Variants in TMPRSS15 observed in about 807,000 individuals in gnomAD.
TMPRSS15 encodes enteropeptidase.
In TMPRSS15, 128 loss-of-function variants were observed where a neutral mutation model predicts 125.3. That is an observed-to-expected ratio of 1.02 (90% CI 0.89 to 1.18). TMPRSS15 has a LOEUF of 1.18. TMPRSS15 is among the 50% of genes most tolerant of loss of function. The pLI is 0.00. For missense variants in TMPRSS15, 1,283 were observed against 1,212.7 expected (o/e 1.06, Z -0.86); for synonymous variants, 446 against 423.2 (o/e 1.05, Z -0.66).
chr21:18,357,343 C>G (rs1165740033), intron 8 of TMPRSS15, among the ~76,000 whole-genome samples: 1 of 151,732 alleles, frequency 6.6e-6, no homozygotes, highest in Non-Finnish European at 1.5e-5. Context: ...CTGTATTTCT[C>G]TGATGCTTTT....
intron 21 of TMPRSS15, among the ~76,000 whole-genome samples, chr21:18,286,150 G>A (rs1439426224): frequency 3.3e-5 from 5 of 152,064 alleles, no homozygotes; most frequent in Non-Finnish European, 7.4e-5. Context: ...ATGCACTTGT[G>A]ATTTTCCTTT....
At position 18,272,935 on chromosome 21, in the gene TMPRSS15, A is replaced by G. The variant is rs144495356; in HGVS notation, c.2904+2262T>C. ...TTTTGTTGAGAACATTACTTCTCATACTTTAGTGTGCATCAGAATCTCCTG... is the reference window on the plus strand; with the variant it reads ...TTTTGTTGAGAACATTACTTCTCATGCTTTAGTGTGCATCAGAATCTCCTG... On this transcript the variant is annotated intron_variant, in intron 24 of 24. Transcript: ENST00000284885. 4.6e-3 allele frequency among the ~76,000 whole-genome samples: 700 copies of G among 152,246 alleles called. 3 individuals carry two copies. Among genetic ancestry groups the G allele is most frequent in the Non-Finnish European group, 6.2e-3 (420 of 68,026 alleles).
chr21:18,454,873 T>C (rs1452484310), intron 1 of TMPRSS15, among the ~76,000 whole-genome samples: 1 of 152,198 alleles, frequency 6.6e-6, no homozygotes, highest in Admixed American at 6.5e-5. Context: ...ATTAGCTATC[T>C]GGTGTTCCTT....
intron 24 of TMPRSS15, among the ~76,000 whole-genome samples, chr21:18,271,409 T>TAA (rs763187712): frequency 1.3e-5 from 2 of 152,176 alleles, no homozygotes; most frequent in African/African-American, 2.4e-5. Flanking sequence ...CCAGACAGAA[T>TAA]AAGGATTTTA....
At chr21:18,415,039 C>T (rs2076176505) in intron 1 of TMPRSS15, among the ~76,000 whole-genome samples, 1 of 151,424 alleles carries the variant, frequency 6.6e-6, no homozygotes, top group African/African-American at 2.4e-5. Context: ...TTTTTTTTGA[C>T]AGTAGACACC....
intron 16 of TMPRSS15, among the ~76,000 whole-genome samples, chr21:18,319,278 ACTTTTGT>A (rs2075208177): frequency 6.6e-6 from 1 of 152,054 alleles, no homozygotes; most frequent in Admixed American, 6.6e-5. Flanking sequence ...AGTAAATACT[ACTTTTGT>A]CTTTGGTGTG....
At chr21:18,348,163 A>T (rs34000631) in intron 10 of TMPRSS15, among the ~76,000 whole-genome samples, 1 of 152,166 alleles carries the variant, frequency 6.6e-6, no homozygotes, top group South Asian at 2.1e-4. Context: ...CCAGTCTGGG[A>T]GACAGAGTGA....
intron 5 of TMPRSS15, among the ~76,000 whole-genome samples, chr21:18,372,712 C>G (rs974332123): frequency 6.6e-6 from 1 of 152,104 alleles, no homozygotes; most frequent in Non-Finnish European, 1.5e-5. Flanking sequence ...AATGAAGAAA[C>G]CTAATAGCTA....
chr21:18,471,125 G>T (rs1027978168), intron 1 of TMPRSS15, among the ~76,000 whole-genome samples: 1 of 151,842 alleles, frequency 6.6e-6, no homozygotes, highest in African/African-American at 2.4e-5. Context: ...TCTTGCCAAA[G>T]GCAGAAATTT....
intron 1 of TMPRSS15, among the ~76,000 whole-genome samples, chr21:18,472,096 T>C (rs1291567756): frequency 6.6e-6 from 1 of 151,942 alleles, no homozygotes; most frequent in Non-Finnish European, 1.5e-5. Flanking sequence ...AAGATCTCAT[T>C]ACGTAAATAA....
intron 13 of TMPRSS15, among the ~76,000 whole-genome samples, chr21:18,334,418 T>C (rs1453616813): frequency 6.6e-6 from 1 of 152,148 alleles, no homozygotes; most frequent in Non-Finnish European, 1.5e-5. Flanking sequence ...TGTTATCTCA[T>C]ATGGGGAGAG....
intron 16 of TMPRSS15, among the ~76,000 whole-genome samples, chr21:18,318,795 T>A (rs1438773831): frequency 6.6e-6 from 1 of 152,236 alleles, no homozygotes; most frequent in Non-Finnish European, 1.5e-5. Context: ...TTGAGGTCAG[T>A]CATTCTGTAA....
chr21:18,409,492 A>C (rs545832431), intron 1 of TMPRSS15, among the ~76,000 whole-genome samples: 15 of 151,938 alleles, frequency 9.9e-5, no homozygotes, highest in Non-Finnish European at 1.3e-4. Context: ...TCATTTATCT[A>C]TATCTCTACT....
Position 18,343,480 on chromosome 21 carries a change from TA to T in TMPRSS15, c.1428+25del, listed in dbSNP as rs2075470688. 3 of 1,554,598 alleles carry T rather than the reference TA, an allele frequency of 1.9e-6. No homozygotes were observed. The African/African-American group carries it at 4.1e-5, about 21-fold the overall frequency. On this transcript the variant is annotated intron_variant, in intron 12 of 24. Coordinates refer to ENST00000284885, the MANE Select transcript of TMPRSS15 (RefSeq NM_002772.3). ...TGTTCCACCACAAAAAGGATACAAA[TA>T]TAAATAATAAAGTATTTTGCAAACC... is the stretch of plus-strand genomic sequence containing the variant.
At chr21:18,326,693 G>C in intron 15 of TMPRSS15, 121 bp from the exon 16 acceptor site, 1 of 1,089,826 alleles carries the variant, frequency 9.2e-7, no homozygotes, top group South Asian at 1.3e-5. Flanking sequence ...CTCGCTCATA[G>C]AGCAGCCACA....
intron 1 of TMPRSS15, among the ~76,000 whole-genome samples, chr21:18,455,845 T>C (rs1978432276): frequency 6.6e-6 from 1 of 152,158 alleles, no homozygotes. Flanking sequence ...ATTGCGAGGA[T>C]GAAACCAAAT....
At chr21:18,351,199 A>G (rs570899867) in intron 10 of TMPRSS15, among the ~76,000 whole-genome samples, 5 of 152,292 alleles carry the variant, frequency 3.3e-5, no homozygotes, top group African/African-American at 7.2e-5. Flanking sequence ...TTGGTCATTA[A>G]TACCAAATTG....
chr21:18,373,971 G>C (rs1569040798), intron 5 of TMPRSS15, among the ~76,000 whole-genome samples: 1 of 152,144 alleles, frequency 6.6e-6, no homozygotes, highest in Non-Finnish European at 1.5e-5. Context: ...CAAGTTAAGT[G>C]GGGGGAAATT....
Position 18,280,581 on chromosome 21 carries a change from A to AAAAACAAAAC in TMPRSS15, c.2668+458_2668+459insGTTTTGTTTT, listed in dbSNP as rs1555890647. Among the ~76,000 whole-genome samples, 31 of 147,096 alleles carry AAAAACAAAAC rather than the reference A, an allele frequency of 2.1e-4. 1 individual carries two copies. Among genetic ancestry groups the AAAAACAAAAC allele is most frequent in the African/African-American group, 8.3e-4 (31 of 37,548 alleles). On this transcript the variant is annotated intron_variant, in intron 22 of 24. Coordinates refer to ENST00000284885, the MANE Select transcript of TMPRSS15 (RefSeq NM_002772.3). ...ACAGAGCGAGACTCCGTCTCAAAAAAAAAAAAAAAAAAAACAACAAAACAA... is the reference window on the plus strand; with the variant it reads ...ACAGAGCGAGACTCCGTCTCAAAAAAAAAACAAAACAAAAAAAAAAAAAACAACAAAACAA...
Sources: allele counts gnomAD v4.1 joint callset (sites outside exome capture counted in the v4.1 genomes callset), GRCh38; gene constraint gnomAD v4.1.1; transcripts MANE v1.5; gene names NCBI Gene and HGNC (gene_info 2026-07-23, HGNC 2026-07-21).